Variants in DNAH9 observed in about 807,000 individuals in gnomAD.
The protein encoded by DNAH9 is dynein axonemal heavy chain 9, also known as DNAH9 variant protein.
A neutral mutation model predicts 471.6 loss-of-function variants in DNAH9; 345 were observed. The ratio of observed to expected loss-of-function variants is 0.73; its 90% CI spans 0.67 to 0.80. The LOEUF (loss-of-function observed/expected upper bound fraction) is 0.80, where lower values mean the gene tolerates loss of function less well. Ranked by LOEUF, DNAH9 falls within the 30% of genes least tolerant of loss-of-function variation. The probability of loss-of-function intolerance (pLI) is 0.00; values close to 1 mark genes in which losing one functional copy is unlikely to be tolerated. For synonymous variants in DNAH9, 2,093 were observed against 2,123.6 expected (o/e 0.99, Z 0.40); for missense variants, 5,407 against 5,609.2 (o/e 0.96, Z 1.15).
intron 14 of DNAH9, among the ~76,000 whole-genome samples, chr17:11,654,351 G>A (rs1375512190): frequency 1.4e-3 from 2 of 1,390 alleles, no homozygotes; most frequent in Non-Finnish European, 0.026. Flanking sequence ...GCGAGACTCC[G>A]TCTCAAAAAA....
At chr17:11,719,282 T>C in intron 26 of DNAH9, 52 bp from the exon 27 acceptor site, 1 of 1,583,492 alleles carries the variant, frequency 6.3e-7, no homozygotes, top group Non-Finnish European at 8.6e-7. Flanking sequence ...GCCTTAGTCC[T>C]ATCTCACTGG....
At chr17:11,690,996 G>T (rs1012273372) in intron 20 of DNAH9, among the ~76,000 whole-genome samples, 2 of 151,978 alleles carry the variant, frequency 1.3e-5, no homozygotes, top group African/African-American at 4.8e-5. Flanking sequence ...TAATTAATGT[G>T]CCATTAACTT....
chr17:11,943,609 G>A (rs1022344652), intron 67 of DNAH9, among the ~76,000 whole-genome samples: 8 of 152,062 alleles, frequency 5.3e-5, no homozygotes, highest in South Asian at 4.1e-4. Flanking sequence ...CCTGGGAGGC[G>A]GAGCTTGCAG....
At chr17:11,636,116 C>T (rs1000572201) in intron 8 of DNAH9, among the ~76,000 whole-genome samples, 3 of 152,136 alleles carry the variant, frequency 2.0e-5, no homozygotes, top group Non-Finnish European at 2.9e-5. Context: ...AGGCAATTCC[C>T]TGCCTCAGCC....
At position 11,807,871 on chromosome 17, in the gene DNAH9, G is replaced by A. The variant is rs145531006; in HGVS notation, c.8560G>A (p.Gly2854Ser). The A allele has an allele frequency of 3.1e-6, 5 of 1,611,518 alleles. No homozygotes were observed. In the African/African-American group the frequency reaches 6.7e-5, roughly 21 times the overall value. The change falls in exon 44 of 69, where the codon GGC becomes AGC. Residue 2854 changes from glycine to serine, a missense_variant. Around this residue, in one of 3 missense-constraint regions of DNAH9, gnomAD observed 4,636 missense variants for 4,900.3 expected, o/e 0.95. Transcript: ENST00000262442. ...TGTCTTCCAGATCACACTGCGCAAA[G>A]GCTACCAGATCCAGGACTTCAAGGT... The part of the protein sequence containing the change: ...MDVFQITLRK[G>S]YQIQDFKMDL...
chr17:11,658,589 T>C (rs966863656), intron 14 of DNAH9, among the ~76,000 whole-genome samples: 1 of 152,158 alleles, frequency 6.6e-6, no homozygotes, highest in Non-Finnish European at 1.5e-5. Flanking sequence ...TCCAATTATA[T>C]GGAGACACAT....
chr17:11,778,329 CAA>C (rs57983162), intron 38 of DNAH9, among the ~76,000 whole-genome samples: 2,360 of 48,658 alleles, frequency 0.049, 30 homozygotes, highest in East Asian at 0.18. Context: ...GACTCCATCT[CAA>C]AAAAAAAAAA....
intron 38 of DNAH9, among the ~76,000 whole-genome samples, chr17:11,774,166 G>C (rs1968330094): frequency 6.6e-6 from 1 of 152,032 alleles, no homozygotes; most frequent in African/African-American, 2.4e-5. Flanking sequence ...TTAAAAACAA[G>C]TACAGCTAAT....
chr17:11,655,677 T>A (rs2150708299), intron 14 of DNAH9, among the ~76,000 whole-genome samples: 1 of 150,380 alleles, frequency 6.6e-6, no homozygotes, highest in Middle Eastern at 3.5e-3. Flanking sequence ...GGAATGCTAC[T>A]CAGCCATGAA....
chr17:11,767,758 C>T (rs1778097550), intron 36 of DNAH9, among the ~76,000 whole-genome samples: 2 of 151,964 alleles, frequency 1.3e-5, no homozygotes, highest in Non-Finnish European at 2.9e-5. Context: ...GTATACAGCC[C>T]CATGCGTAAG....
Position 11,757,488 on chromosome 17 carries a change from G to GA in DNAH9, c.6848-52dup, listed in dbSNP as rs915967444. 2.6e-4 allele frequency: 388 copies of GA among 1,468,634 alleles called. 2 individuals carry two copies. The Middle Eastern group carries it at 3.6e-3, about 13-fold the overall frequency. 91.0% of individuals were successfully genotyped at this position (1,468,634 alleles called of 1,614,324 possible). A position where few individuals can be genotyped will look rare whatever the true frequency, so the allele number is the denominator to read the frequency against. The stretch of plus-strand genomic sequence containing the variant: ...AACAGAGAAAATAACTCCCTGGGGT[G>GA]AAAAATATAATGATGTATATGGAAT... On this transcript the variant is annotated intron_variant, in intron 34 of 68. Transcript: ENST00000262442.
chr17:11,809,269 C>T (rs1338425109), intron 44 of DNAH9, among the ~76,000 whole-genome samples: 17 of 151,854 alleles, frequency 1.1e-4, no homozygotes, highest in Non-Finnish European at 7.4e-5. Flanking sequence ...TGGAGCTAGT[C>T]ATAAGAACAC....
At chr17:11,879,578 A>G (rs1027238188) in intron 53 of DNAH9, among the ~76,000 whole-genome samples, 1 of 152,202 alleles carries the variant, frequency 6.6e-6, no homozygotes, top group African/African-American at 2.4e-5. Flanking sequence ...ATTAAACTCT[A>G]CATAACACTG....
At chr17:11,639,138 C>T (rs1473616175) in intron 9 of DNAH9, among the ~76,000 whole-genome samples, 1 of 152,190 alleles carries the variant, frequency 6.6e-6, no homozygotes, top group African/African-American at 2.4e-5. Context: ...ACGCTGTCAT[C>T]ATAGCCACAG....
intron 12 of DNAH9, among the ~76,000 whole-genome samples, chr17:11,649,111 G>A (rs552362926): frequency 7.9e-4 from 114 of 143,856 alleles, no homozygotes; most frequent in Non-Finnish European, 1.3e-3. Context: ...TAGGCAACAA[G>A]AGCGAAACTC....
At chr17:11,767,939 T>C (rs892206474) in intron 36 of DNAH9, among the ~76,000 whole-genome samples, 1 of 152,132 alleles carries the variant, frequency 6.6e-6, no homozygotes, top group African/African-American at 2.4e-5. Flanking sequence ...ACGAGGAGAT[T>C]GAGGCATAGA....
Position 11,932,244 on chromosome 17 carries a change from A to C in DNAH9, c.12297+39A>C, listed in dbSNP as rs755047709. ...ACATTCAGGGACCAGCCAGGTTGGG[A>C]GAGGGTTAAAATTATTTAATTTTGA... On this transcript the variant is annotated intron_variant, in intron 64 of 68. Transcript: ENST00000262442. The surrounding 1 kb of genome is among the most constrained non-coding windows in gnomAD (Gnocchi z 4.3). 1 of 1,597,754 alleles carries C rather than the reference A, an allele frequency of 6.3e-7. No homozygotes were observed. The highest frequency in any genetic ancestry group is 1.7e-5 in the Admixed American group (1 of 58,404).
At chr17:11,777,662 G>A (rs867560995) in intron 38 of DNAH9, among the ~76,000 whole-genome samples, 11 of 152,210 alleles carry the variant, frequency 7.2e-5, no homozygotes, top group South Asian at 2.1e-4. Context: ...TAGGAACTCA[G>A]ATGTCTGAAA....
At chr17:11,918,487 T>A (rs1309226018) in intron 61 of DNAH9, among the ~76,000 whole-genome samples, 1 of 152,130 alleles carries the variant, frequency 6.6e-6, no homozygotes, top group African/African-American at 2.4e-5. Flanking sequence ...CACCTCAACC[T>A]CCCAAAGTGC....
Sources: allele counts gnomAD v4.1 joint callset (sites outside exome capture counted in the v4.1 genomes callset), GRCh38; gene constraint gnomAD v4.1.1; regional missense constraint gnomAD v4.1.1; non-coding constraint Gnocchi (gnomAD v3.1); transcripts MANE v1.5; gene names NCBI Gene and HGNC (gene_info 2026-07-23, HGNC 2026-07-21).